NCAPH: variants seen among roughly 807,000 people sequenced by gnomAD.
NCAPH encodes the protein non-SMC condensin I complex subunit H, also known as condensin complex subunit 2.
A neutral mutation model predicts 85.5 loss-of-function variants in NCAPH; 38 were observed. The observed-to-expected ratio is 0.44, with a 90% confidence interval of 0.34 to 0.58. The LOEUF (loss-of-function observed/expected upper bound fraction) is 0.58, where lower values mean the gene tolerates loss of function less well. Ranked by LOEUF, NCAPH falls within the 20% of genes least tolerant of loss-of-function variation. The pLI is 0.01. For synonymous variants in NCAPH, 301 were observed against 335.1 expected (o/e 0.90, Z 1.11); for missense variants, 789 against 916.6 (o/e 0.86, Z 1.80).
At chr2:96,370,257 G>A (rs149426907) in intron 17 of NCAPH, among the ~76,000 whole-genome samples, 15 of 152,340 alleles carry the variant, frequency 9.8e-5, no homozygotes, top group Non-Finnish European at 1.8e-4. Context: ...TGGCGTGTGC[G>A]GCAAGCACCA....
At position 96,364,593 on chromosome 2, in the gene NCAPH, TAAAGGGGGG is replaced by T; in HGVS notation, c.1698+10_1698+18del. On this transcript the variant is annotated splice_donor_5th_base_variant and intron_variant, in intron 13 of 17. Transcript: ENST00000240423. ...TCCAACTTTTGCCCTGGATTACAGG[TAAAGGGGGG>T]AAAGGGGCTCTGTCCTCTCTTCTAA... The T allele has an allele frequency of 6.3e-7, 1 of 1,590,606 alleles. No homozygotes were observed. The highest frequency in any genetic ancestry group is 8.6e-7 in the Non-Finnish European group (1 of 1,158,974).
chr2:96,368,563 A>C (rs1474969343), intron 15 of NCAPH, among the ~76,000 whole-genome samples: 1 of 152,204 alleles, frequency 6.6e-6, no homozygotes, highest in Non-Finnish European at 1.5e-5. Context: ...AGGCTGAGGC[A>C]GGAGAATTGC....
chr2:96,349,827 C>T (rs1473778778), intron 6 of NCAPH, among the ~76,000 whole-genome samples: 1 of 152,158 alleles, frequency 6.6e-6, no homozygotes, highest in Non-Finnish European at 1.5e-5. Flanking sequence ...TGCTTCAGTT[C>T]TTTATACCAG....
intron 14 of NCAPH, among the ~76,000 whole-genome samples, chr2:96,366,679 C>G (rs1015217878): frequency 5.3e-5 from 8 of 151,994 alleles, no homozygotes; most frequent in Non-Finnish European, 1.2e-4. Context: ...GAGTTCGAGA[C>G]CAGCCCGGCC....
chr2:96,366,732 C>G (rs2104495290), intron 14 of NCAPH, among the ~76,000 whole-genome samples: 1 of 152,192 alleles, frequency 6.6e-6, no homozygotes, highest in Middle Eastern at 3.4e-3. Context: ...CAAAAATTAG[C>G]TGGGCATGGT....
chr2:96,337,377 A>G (rs1390380627), intron 1 of NCAPH, among the ~76,000 whole-genome samples: 1 of 152,104 alleles, frequency 6.6e-6, no homozygotes, highest in Non-Finnish European at 1.5e-5. Context: ...GTTTCTAAAA[A>G]TGTCTCTTGC....
At position 96,365,979 on chromosome 2, in the gene NCAPH, A is replaced by G; in HGVS notation, c.1802A>G (p.Gln601Arg). Residue 601 changes from glutamine to arginine, a missense_variant, in exon 14 of 18, where the codon CAG (glutamine) becomes CGG (arginine). Gln to Arg is a conservative substitution (Grantham distance 43). Transcript: ENST00000240423. ...YPCHPPKTAQ[Q>R]NGDTPEAQGL... is the part of the protein sequence containing the mutation. ...TGCCATCCACCTAAGACAGCACAAC[A>G]GAATGGTGACACTCCAGAAGCCCAA... 1 of 1,614,226 alleles carries G rather than the reference A, an allele frequency of 6.2e-7. No individual in the cohort carries two copies. The highest frequency in any genetic ancestry group is 8.5e-7 in the Non-Finnish European group (1 of 1,180,044).
Position 96,354,366 on chromosome 2 carries a change from C to T in NCAPH, c.1186C>T (p.Pro396Ser). The T allele has an allele frequency of 6.2e-7, 1 of 1,601,380 alleles. No individual in the cohort carries two copies. Among genetic ancestry groups the T allele is most frequent in the Non-Finnish European group, 8.5e-7 (1 of 1,172,524 alleles). The change falls in exon 9 of 18, where the codon CCC becomes TCC. Residue 396 changes from proline to serine, a missense_variant. Transcript: ENST00000240423. ...TGAAGAGTTCAGGAGCTGGAAGGAG[C>T]CCTGCCAGGTTCAGAGCTGCCAGTA... is the stretch of plus-strand genomic sequence containing the variant. ...DHEEFRSWKE[P>S]CQVQSCQEEM... is the part of the protein sequence containing the mutation.
At chr2:96,369,311 A>G in intron 16 of NCAPH, 114 bp from the exon 17 acceptor site, 3 of 971,650 alleles carry the variant, frequency 3.1e-6, no homozygotes, top group Non-Finnish European at 4.9e-6. Flanking sequence ...ATGCATCTGA[A>G]AGATTTGTTT....
At position 96,356,070 on chromosome 2, in the gene NCAPH, G is replaced by C. The variant is rs534221311; in HGVS notation, c.1208+1682G>C. ...TCTGAGGGACTGACAATAACAAAGGGCTTCCATGACTTTTATTTGGTTTCT... is the reference window on the plus strand; with the variant it reads ...TCTGAGGGACTGACAATAACAAAGGCCTTCCATGACTTTTATTTGGTTTCT... On this transcript the variant is annotated intron_variant, in intron 9 of 17. Transcript: ENST00000240423. Among the ~76,000 whole-genome samples, 6 of 152,276 alleles carry C rather than the reference G, an allele frequency of 3.9e-5. No homozygotes were observed. In the South Asian group the frequency reaches 1.2e-3, roughly 32 times the overall value.
In NCAPH at chr2:96,373,378, G is replaced by GA. The variant is rs1244348893; in HGVS notation, c.*28dup. 1.2e-6 allele frequency: 2 copies of GA among 1,605,880 alleles called. No homozygotes were observed. The highest frequency in any genetic ancestry group is 1.7e-6 in the Non-Finnish European group (2 of 1,173,078). On this transcript the variant is annotated 3_prime_UTR_variant, in exon 18 of 18. Coordinates refer to ENST00000240423, the MANE Select transcript of NCAPH (RefSeq NM_015341.5). ...TTCACTATGGAGAAGTCAGCAGCAG[G>GA]AGGCCCATCCCTTACTCAGTTGCCG...
chr2:96,360,965 A>G (rs1415240052), intron 12 of NCAPH, among the ~76,000 whole-genome samples: 1 of 150,654 alleles, frequency 6.6e-6, no homozygotes, highest in Non-Finnish European at 1.5e-5. Flanking sequence ...GCTGAAATTC[A>G]GGGGGGCAGT....
Position 96,369,044 on chromosome 2 carries a change from A to G in NCAPH, c.2071A>G (p.Thr691Ala). The part of the protein sequence containing the change: ...VADEKMLSGL[T>A]KDLQRSLPPV... The stretch of plus-strand genomic sequence containing the variant: ...TGACGAGAAGATGCTTAGCGGGCTC[A>G]CGAAGGACCTGCAGAGGAGGTGCGG... The change falls in exon 16 of 18, where the codon ACG becomes GCG. Residue 691 changes from threonine (T) to alanine (A), a missense_variant. Coordinates refer to ENST00000240423, the MANE Select transcript of NCAPH (RefSeq NM_015341.5). The G allele has an allele frequency of 6.4e-7, 1 of 1,555,612 alleles. No individual in the cohort carries two copies. The highest frequency in any genetic ancestry group is 8.7e-7 in the Non-Finnish European group (1 of 1,149,048).
rs373331303 is a variant in NCAPH at position 96,374,256 on chromosome 2, C to T, written c.*905C>T. 2.6e-5 allele frequency among the ~76,000 whole-genome samples: 4 copies of T among 152,246 alleles called. No individual in the cohort carries two copies. Among genetic ancestry groups the T allele is most frequent in the African/African-American group, 7.2e-5 (3 of 41,454 alleles). ...GCAATCTGCCTCCAGAGTCTGCTCT[C>T]GGCCATTGTGCTATGTGCTACCTGG... is the stretch of plus-strand genomic sequence containing the variant. On this transcript the variant is annotated 3_prime_UTR_variant, in exon 18 of 18. Transcript: ENST00000240423.
chr2:96,347,974 A>AT (rs1384626187), intron 6 of NCAPH, among the ~76,000 whole-genome samples: 1 of 151,714 alleles, frequency 6.6e-6, no homozygotes, highest in Non-Finnish European at 1.5e-5. Context: ...AGGGAGTTGT[A>AT]TTTTTTCCTT....
At position 96,352,599 on chromosome 2, in the gene NCAPH, A is replaced by T. The variant is rs144843819; in HGVS notation, c.910+579A>T. ...ATGTTGTAATGAGGTGCCAGCAGGTAGGGAGGCCAGGTGCGTGCAGTGCAG... is the reference window on the plus strand; with the variant it reads ...ATGTTGTAATGAGGTGCCAGCAGGTTGGGAGGCCAGGTGCGTGCAGTGCAG... On this transcript the variant is annotated intron_variant, in intron 7 of 17. Transcript: ENST00000240423. 3.2e-3 allele frequency among the ~76,000 whole-genome samples: 483 copies of T among 152,264 alleles called. 5 individuals are homozygous for T. Among genetic ancestry groups the T allele is most frequent in the African/African-American group, 0.011 (465 of 41,566 alleles).
intron 9 of NCAPH, among the ~76,000 whole-genome samples, chr2:96,355,654 T>TC (rs2064514437): frequency 6.6e-6 from 1 of 151,424 alleles, no homozygotes. Context: ...TGTTTTTTTT[T>TC]TTTTTGAGAC....
intron 12 of NCAPH, among the ~76,000 whole-genome samples, chr2:96,361,278 G>T (rs1234486093): frequency 1.3e-5 from 2 of 151,996 alleles, no homozygotes; most frequent in East Asian, 3.9e-4. Flanking sequence ...TCGAACTCCT[G>T]ACCTCAGGCG....
intron 6 of NCAPH, among the ~76,000 whole-genome samples, chr2:96,348,631 T>A (rs565348432): frequency 3.3e-5 from 5 of 151,958 alleles, no homozygotes; most frequent in Admixed American, 2.6e-4. Flanking sequence ...TCCCAGATAA[T>A]CTGGAATTTA....
Sources: gnomAD v4.1 joint callset for allele counts (sites outside exome capture counted in the v4.1 genomes callset) on GRCh38, gnomAD v4.1.1 for gene constraint, MANE v1.5 for transcripts, NCBI Gene and HGNC (gene_info 2026-07-23, HGNC 2026-07-21) for gene names.